FOXP1: variants seen among roughly 807,000 people sequenced by gnomAD.
FOXP1 encodes forkhead box protein P1.
FOXP1 carries 15 observed loss-of-function variants against 98.2 expected under a neutral mutation model. The observed-to-expected ratio is 0.15, with a 90% CI of 0.10 to 0.24. The LOEUF (loss-of-function observed/expected upper bound fraction) is 0.24, where lower values mean the gene tolerates loss of function less well. Ranked by LOEUF, FOXP1 falls within the 10% of genes least tolerant of loss-of-function variation. FOXP1 has a pLI of 1.00. For missense variants in FOXP1, 633 were observed against 848.5 expected (o/e 0.75, Z 3.15); for synonymous variants, 371 against 314.5 (o/e 1.18, Z -1.90).
intron 5 of FOXP1, among the ~76,000 whole-genome samples, chr3:71,209,698 T>C (rs2064310319): frequency 6.6e-6 from 1 of 152,196 alleles, no homozygotes; most frequent in Non-Finnish European, 1.5e-5. Context: ...AAAATTTCCC[T>C]GATGTGCACT....
chr3:71,437,807 A>G (rs2085506425), intron 3 of FOXP1, among the ~76,000 whole-genome samples: 1 of 152,176 alleles, frequency 6.6e-6, no homozygotes, highest in South Asian at 2.1e-4. Flanking sequence ...AGAGACCCAA[A>G]CCAAAAAAAT....
intron 6 of FOXP1, among the ~76,000 whole-genome samples, chr3:71,158,163 G>GGGAAGGAAGGAA (rs144415413): frequency 1.2e-5 from 1 of 84,480 alleles, no homozygotes; most frequent in East Asian, 3.6e-4. Flanking sequence ...GAGGGAGGCA[G>GGGAAGGAAGGAA]GGAAGGAAGG....
chr3:71,457,808 T>C (rs1176355656), intron 3 of FOXP1, among the ~76,000 whole-genome samples: 1 of 152,220 alleles, frequency 6.6e-6, no homozygotes, highest in Non-Finnish European at 1.5e-5. Flanking sequence ...TATTTATGGG[T>C]AAGTTTGTTT....
intron 2 of FOXP1, among the ~76,000 whole-genome samples, chr3:71,544,864 T>G (rs1397755039): frequency 6.6e-6 from 1 of 152,064 alleles, no homozygotes; most frequent in Non-Finnish European, 1.5e-5. Flanking sequence ...TTTTCCAGAT[T>G]CAGCTTATGA....
intron 3 of FOXP1, among the ~76,000 whole-genome samples, chr3:71,465,237 G>C (rs954940580): frequency 6.7e-6 from 1 of 149,760 alleles, no homozygotes; most frequent in African/African-American, 2.5e-5. Flanking sequence ...AACCTGGGAG[G>C]CAGAGATTGT....
chr3:71,424,720 C>A (rs752051398), intron 3 of FOXP1, among the ~76,000 whole-genome samples: 1 of 152,222 alleles, frequency 6.6e-6, no homozygotes, highest in Non-Finnish European at 1.5e-5. Flanking sequence ...GTGTCACTGC[C>A]GAGCTGAAGA....
At chr3:71,488,377 G>T (rs1190512257) in intron 3 of FOXP1, among the ~76,000 whole-genome samples, 1 of 152,188 alleles carries the variant, frequency 6.6e-6, no homozygotes, top group African/African-American at 2.4e-5. Context: ...TTGACACAGG[G>T]ATGGGCTGGC....
At chr3:71,153,496 GC>G (rs3832218) in intron 6 of FOXP1, among the ~76,000 whole-genome samples, 14,510 of 143,116 alleles carry the variant, frequency 0.1, 847 homozygotes, top group Middle Eastern at 0.18. Flanking sequence ...TGCCCCCACT[GC>G]CCCCCGCAAT....
rs538552962 is a variant in FOXP1, at chr3:71,427,494, G to A, written c.-168+65932C>T. On this transcript the variant is annotated intron_variant, in intron 3 of 20. Transcript: ENST00000649528. ...GAGATCACAGAAGGCCCCGGATGCCGGGCTAGGGAGCCTGGGCTCTCTTGT... is the reference window on the plus strand; with the variant it reads ...GAGATCACAGAAGGCCCCGGATGCCAGGCTAGGGAGCCTGGGCTCTCTTGT... Among the ~76,000 whole-genome samples, 182 of 152,324 alleles carry A rather than the reference G, an allele frequency of 1.2e-3. 1 individual carries two copies. The highest frequency in any genetic ancestry group is 4.0e-3 in the African/African-American group (166 of 41,578).
chr3:71,383,329 C>T (rs831079), intron 3 of FOXP1, among the ~76,000 whole-genome samples: 142,901 of 152,262 alleles, frequency 0.94, 67,734 homozygotes, highest in East Asian at 1. Context: ...TATAAAGTGT[C>T]AAACTTTACA....
rs375674590 is a variant in FOXP1, at chr3:71,179,039, G to T, written c.180+19163C>A. Among the ~76,000 whole-genome samples the T allele has an allele frequency of 7.3e-4, 107 of 145,654 alleles. 2 individuals are homozygous for T. The highest frequency in any genetic ancestry group is 2.6e-3 in the African/African-American group (102 of 39,602). On this transcript the variant is annotated intron_variant, in intron 6 of 20. Transcript: ENST00000649528. ...AAAAAAAAAAAAAAATTGACAAGAT[G>T]TTCAGGATTTTCAATAAAAGGAAGA...
chr3:71,212,111 ATACTAG>A (rs2064517640), intron 5 of FOXP1, among the ~76,000 whole-genome samples: 2 of 152,202 alleles, frequency 1.3e-5, no homozygotes, highest in Admixed American at 6.5e-5. Flanking sequence ...CAGATTAAAG[ATACTAG>A]TACCAAATTG....
At chr3:71,522,227 C>A (rs1044984688) in intron 2 of FOXP1, among the ~76,000 whole-genome samples, 6 of 152,178 alleles carry the variant, frequency 3.9e-5, no homozygotes, top group African/African-American at 1.4e-4. Flanking sequence ...CTGGGCTCAT[C>A]TGTCCACGCT....
At chr3:71,489,290 G>A (rs1178269995) in intron 3 of FOXP1, among the ~76,000 whole-genome samples, 1 of 152,198 alleles carries the variant, frequency 6.6e-6, no homozygotes, top group East Asian at 1.9e-4. Context: ...GACATCAAAA[G>A]AGGAAGGCTG....
intron 6 of FOXP1, among the ~76,000 whole-genome samples, chr3:71,163,682 A>C (rs1285020967): frequency 6.6e-6 from 1 of 152,056 alleles, no homozygotes; most frequent in Non-Finnish European, 1.5e-5. Context: ...ACAACAACAA[A>C]ACCTTATATT....
At chr3:71,258,508 T>C (rs1015375626) in intron 5 of FOXP1, among the ~76,000 whole-genome samples, 2 of 152,070 alleles carry the variant, frequency 1.3e-5, no homozygotes, top group Non-Finnish European at 2.9e-5. Flanking sequence ...CCCAGATATT[T>C]TGTGGAAAGC....
At chr3:71,416,796 A>G (rs1393429703) in intron 3 of FOXP1, among the ~76,000 whole-genome samples, 4 of 151,992 alleles carry the variant, frequency 2.6e-5, no homozygotes, top group African/African-American at 9.7e-5. Context: ...TTGCAGCAGG[A>G]AAAAAAGGGG....
chr3:71,033,936 C>G (rs1352284145), intron 11 of FOXP1, among the ~76,000 whole-genome samples: 1 of 152,118 alleles, frequency 6.6e-6, no homozygotes, highest in East Asian at 1.9e-4. Context: ...GTTACCTCCC[C>G]GACAGATAGA....
At chr3:71,083,401 C>A (rs568602358) in intron 7 of FOXP1, among the ~76,000 whole-genome samples, 5 of 152,314 alleles carry the variant, frequency 3.3e-5, no homozygotes, top group African/African-American at 1.2e-4. Context: ...CCAAATAAAC[C>A]TCTTTTCTTT....
Sources: gnomAD v4.1 joint callset for allele counts (sites outside exome capture counted in the v4.1 genomes callset) on GRCh38, gnomAD v4.1.1 for gene constraint, MANE v1.5 for transcripts, NCBI Gene and HGNC (gene_info 2026-07-23, HGNC 2026-07-21) for gene names.